TYW1B: variants seen among roughly 807,000 people sequenced by gnomAD.
The protein encoded by TYW1B is tRNA-yW synthesizing protein 1 homolog B.
Under a neutral mutation model 86.9 loss-of-function variants are expected in TYW1B, and 73 were observed. That is an observed-to-expected ratio of 0.84 (90% CI 0.70 to 1.02). TYW1B has a LOEUF of 1.02. Among genes scored for constraint, TYW1B ranks in the 50% least tolerant of loss-of-function variants. The pLI is 0.00. For missense variants in TYW1B, 637 were observed against 827.4 expected (o/e 0.77, Z 2.82); for synonymous variants, 248 against 292.8 (o/e 0.85, Z 1.56).
chr7:72,787,777 A>C (rs1315042370), intron 6 of TYW1B, among the ~76,000 whole-genome samples: 1 of 139,734 alleles, frequency 7.2e-6, no homozygotes, highest in Non-Finnish European at 1.6e-5. Context: ...CTCCAAAAAA[A>C]AGAAAAAGTA....
chr7:72,815,277 T>A (rs1788701107), intron 3 of TYW1B, 103 bp downstream of exon 3: 1 of 1,074,302 alleles, frequency 9.3e-7, no homozygotes, highest in Non-Finnish European at 1.3e-6. Flanking sequence ...GCACGAAAAT[T>A]AAATTTATTC....
At chr7:72,755,241 G>C (rs2129571566) in intron 7 of TYW1B, among the ~76,000 whole-genome samples, 1 of 151,766 alleles carries the variant, frequency 6.6e-6, no homozygotes, top group Middle Eastern at 3.5e-3. Context: ...AACATAAGGA[G>C]ACCCTGTCTC....
At chr7:72,719,074 G>A (rs567268504) in intron 9 of TYW1B, among the ~76,000 whole-genome samples, 1 of 152,098 alleles carries the variant, frequency 6.6e-6, no homozygotes, top group Admixed American at 6.5e-5. Context: ...GGGGTGCCAG[G>A]CCCAGCACAT....
At chr7:72,803,652 C>T (rs1392780779) in intron 5 of TYW1B, among the ~76,000 whole-genome samples, 1 of 152,054 alleles carries the variant, frequency 6.6e-6, no homozygotes, top group Non-Finnish European at 1.5e-5. Context: ...CTCGTTCTGT[C>T]ACCCAGGCTG....
intron 11 of TYW1B, among the ~76,000 whole-genome samples, chr7:72,656,121 C>A (rs1281255492): frequency 2.0e-5 from 3 of 152,148 alleles, no homozygotes; most frequent in Non-Finnish European, 2.9e-5. Context: ...AATGATTGGG[C>A]TGATATCCCC....
intron 7 of TYW1B, among the ~76,000 whole-genome samples, chr7:72,762,211 T>G (rs1410795898): frequency 6.6e-6 from 1 of 152,200 alleles, no homozygotes; most frequent in Non-Finnish European, 1.5e-5. Flanking sequence ...TAATTAATTT[T>G]CCTACTCTCA....
chr7:72,779,928 A>G (rs1788022639), intron 6 of TYW1B, among the ~76,000 whole-genome samples: 1 of 151,776 alleles, frequency 6.6e-6, no homozygotes, highest in Non-Finnish European at 1.5e-5. Flanking sequence ...ATTACTAAAT[A>G]TAATCAAAAT....
At chr7:72,634,004 T>C (rs1262457480) in intron 11 of TYW1B, among the ~76,000 whole-genome samples, 13 of 152,146 alleles carry the variant, frequency 8.5e-5, no homozygotes, top group African/African-American at 2.9e-4. Flanking sequence ...TAACTGGAGC[T>C]CCAGTGGCCC....
chr7:72,741,137 T>C (rs747143462), intron 8 of TYW1B, among the ~76,000 whole-genome samples: 11 of 152,090 alleles, frequency 7.2e-5, no homozygotes, highest in South Asian at 2.1e-4. Context: ...TGAGGAAGCA[T>C]AGACATTAGA....
chr7:72,676,693 C>T (rs1813743213), intron 11 of TYW1B, among the ~76,000 whole-genome samples: 1 of 152,150 alleles, frequency 6.6e-6, no homozygotes. Context: ...GACGTGGTGG[C>T]TCATGCCTAT....
intron 13 of TYW1B, among the ~76,000 whole-genome samples, chr7:72,603,092 T>TGGATGGATG (rs562849384): frequency 2.0e-5 from 3 of 147,000 alleles, no homozygotes; most frequent in Non-Finnish European, 4.6e-5. Context: ...GACAGACAGA[T>TGGATGGATG]GATGGATGGA....
Position 72,750,054 on chromosome 7 carries a change from G to T in TYW1B, c.965-5453C>A, listed in dbSNP as rs59347402. 3.1e-3 allele frequency among the ~76,000 whole-genome samples: 467 copies of T among 151,118 alleles called. 1 individual carries two copies. The highest frequency in any genetic ancestry group is 0.011 in the African/African-American group (436 of 41,208). On this transcript the variant is annotated intron_variant, in intron 7 of 13. Coordinates refer to ENST00000620995, the MANE Select transcript of TYW1B (RefSeq NM_001145440.3). ...CAAGACACGTGTCTGAACACCTGGT[G>T]GGGGGGTGGGTATGTGTATAATTTT... is the stretch of plus-strand genomic sequence containing the variant.
At chr7:72,811,398 C>A (rs531287422) in intron 3 of TYW1B, among the ~76,000 whole-genome samples, 16 of 151,998 alleles carry the variant, frequency 1.1e-4, no homozygotes, top group Non-Finnish European at 1.6e-4. Flanking sequence ...AGTTTCAAAC[C>A]TGAAGAGAAA....
chr7:72,688,236 G>C (rs1288148908), intron 11 of TYW1B, among the ~76,000 whole-genome samples: 3 of 152,146 alleles, frequency 2.0e-5, no homozygotes, highest in African/African-American at 7.2e-5. Flanking sequence ...GTTTTTAGCA[G>C]ATATGCTATG....
At chr7:72,793,550 G>T (rs777192099) in intron 6 of TYW1B, among the ~76,000 whole-genome samples, 10 of 151,954 alleles carry the variant, frequency 6.6e-5, no homozygotes, top group Non-Finnish European at 1.3e-4. Flanking sequence ...TTCAAGACCA[G>T]CCTGGCCAAG....
chr7:72,819,947 A>G (rs1788795986), intron 2 of TYW1B, among the ~76,000 whole-genome samples: 1 of 152,120 alleles, frequency 6.6e-6, no homozygotes, highest in Non-Finnish European at 1.5e-5. Flanking sequence ...ACAATCCAGA[A>G]GAGATTGGGG....
chr7:72,626,889 G>A (rs554467916), intron 12 of TYW1B, among the ~76,000 whole-genome samples: 5 of 151,834 alleles, frequency 3.3e-5, no homozygotes, highest in African/African-American at 1.2e-4. Context: ...AAATCAGACT[G>A]CATCTCTCCC....
chr7:72,720,482 A>C (rs1554457152), intron 9 of TYW1B, among the ~76,000 whole-genome samples: 2 of 152,150 alleles, frequency 1.3e-5, no homozygotes, highest in Admixed American at 1.3e-4. Flanking sequence ...ACAAAATACA[A>C]GACAAAAAAA....
chr7:72,629,027 T>C (rs1554439431), intron 11 of TYW1B, 30 bp from the exon 12 acceptor site: 2 of 1,569,894 alleles, frequency 1.3e-6, no homozygotes, highest in Non-Finnish European at 1.7e-6. Context: ...AACTTCGTTG[T>C]TATCTTGGTG....
Sources: allele counts gnomAD v4.1 joint callset (sites outside exome capture counted in the v4.1 genomes callset), GRCh38; gene constraint gnomAD v4.1.1; transcripts MANE v1.5; gene names NCBI Gene and HGNC (gene_info 2026-07-23, HGNC 2026-07-21).